TENM3: variants seen among roughly 807,000 people sequenced by gnomAD.
The protein encoded by TENM3 is teneurin-3.
TENM3 carries 63 observed loss-of-function variants against 255.1 expected under a neutral mutation model. The observed-to-expected ratio is 0.25, with a 90% CI of 0.20 to 0.30. TENM3 has a LOEUF of 0.30. Ranked by LOEUF, TENM3 falls within the 10% of genes least tolerant of loss-of-function variation. The pLI is 1.00. For synonymous variants in TENM3, 1,306 were observed against 1,322.3 expected, an observed-to-expected ratio of 0.99 and a Z score of 0.27; for missense variants, 2,929 against 3,461.1, an observed-to-expected ratio of 0.85 and a Z score of 3.86.
At chr4:182,662,178 TAAG>T (rs907715200) in intron 6 of TENM3, among the ~76,000 whole-genome samples, 4 of 152,336 alleles carry the variant, frequency 2.6e-5, no homozygotes, top group Admixed American at 1.3e-4. Flanking sequence ...GGGTATCACA[TAAG>T]AAGGAGAGGA....
chr4:182,264,822 A>T (rs1199507507), intron 1 of TENM3, among the ~76,000 whole-genome samples: 1 of 152,214 alleles, frequency 6.6e-6, no homozygotes, highest in African/African-American at 2.4e-5. Flanking sequence ...TTTAAAGAGC[A>T]CTATGGTTAA....
the TENM3 span, among the ~76,000 whole-genome samples, chr4:182,104,498 T>G: frequency 6.8e-6 from 1 of 146,990 alleles, no homozygotes; most frequent in East Asian, 2.0e-4. Flanking sequence ...TTATCACTGT[T>G]GACTCTTTTT....
intron 24 of TENM3, among the ~76,000 whole-genome samples, chr4:182,787,635 G>A (rs1765774899): frequency 6.6e-6 from 1 of 150,628 alleles, no homozygotes; most frequent in African/African-American, 2.4e-5. Flanking sequence ...TCGGGAGGCT[G>A]AGGCAGGAGA....
chr4:182,359,327 C>T (rs867564159), intron 3 of TENM3, among the ~76,000 whole-genome samples: 2 of 151,984 alleles, frequency 1.3e-5, no homozygotes, highest in African/African-American at 2.4e-5. Flanking sequence ...TGGGAGAATT[C>T]GGCTGTGAAT....
At chr4:182,241,834 G>A (rs1253262733), upstream of TENM3, among the ~76,000 whole-genome samples, 2 of 151,862 alleles carry the variant, frequency 1.3e-5, no homozygotes, top group Admixed American at 1.3e-4. Context: ...TTTCCAGACA[G>A]GTAAAATGCA....
the TENM3 span, among the ~76,000 whole-genome samples, chr4:181,651,597 A>T: frequency 6.6e-6 from 1 of 152,090 alleles, no homozygotes; most frequent in African/African-American, 2.4e-5. Context: ...TCAAAAAAAA[A>T]AAAAAATTCC....
the TENM3 span, among the ~76,000 whole-genome samples, chr4:181,936,833 C>T: frequency 3.3e-5 from 5 of 151,840 alleles, no homozygotes; most frequent in Non-Finnish European, 5.9e-5. Flanking sequence ...AAGGGGAGAG[C>T]AGCAGGCCCC....
chr4:181,649,440 A>T, the TENM3 span, among the ~76,000 whole-genome samples: 3 of 152,236 alleles, frequency 2.0e-5, no homozygotes, highest in Non-Finnish European at 1.5e-5. Context: ...CTATTTCTGT[A>T]TCGGCCTAGA....
chr4:181,813,234 G>A, the TENM3 span, among the ~76,000 whole-genome samples: 1 of 152,104 alleles, frequency 6.6e-6, no homozygotes, highest in South Asian at 2.1e-4. Context: ...TCCCATTCAT[G>A]TTGTGGGGAG....
the TENM3 span, among the ~76,000 whole-genome samples, chr4:181,754,017 T>C: frequency 6.6e-6 from 1 of 152,174 alleles, no homozygotes; most frequent in Non-Finnish European, 1.5e-5. Flanking sequence ...CTGTATGAGA[T>C]TGACAAGTAT....
At chr4:182,443,394 T>C (rs1450017151) in intron 3 of TENM3, among the ~76,000 whole-genome samples, 1 of 152,132 alleles carries the variant, frequency 6.6e-6, no homozygotes, top group Admixed American at 6.5e-5. Context: ...CTGATAAAAC[T>C]AGGCTTCCAT....
At chr4:182,295,614 G>A (rs17073007) in intron 1 of TENM3, among the ~76,000 whole-genome samples, 3,742 of 152,070 alleles carry the variant, frequency 0.025, 85 homozygotes, top group Admixed American at 0.066. Context: ...TCTAACCCTT[G>A]TAGCAAAAAC....
At chr4:182,255,081 A>T (rs901433589) in intron 1 of TENM3, among the ~76,000 whole-genome samples, 2 of 152,202 alleles carry the variant, frequency 1.3e-5, no homozygotes, top group African/African-American at 4.8e-5. Flanking sequence ...CAAAGGAGCC[A>T]GTTTCTACCC....
rs528225825 is a variant in TENM3 at position 182,267,992 on chromosome 4, G to C, written c.-76+24516G>C. 2.6e-5 allele frequency among the ~76,000 whole-genome samples: 4 copies of C among 152,318 alleles called. No individual in the cohort carries two copies. In the South Asian group the frequency reaches 8.3e-4, roughly 32 times the overall value. ...TGATCTCTGACTGTTACTCAGAAGA[G>C]ACAAGAGGGATGGGTAATGTAGAAA... On this transcript the variant is annotated intron_variant, in intron 1 of 27. Transcript: ENST00000511685.
chr4:182,156,842 G>A (rs766975227), intron 1 of TENM3, among the ~76,000 whole-genome samples: 18 of 152,086 alleles, frequency 1.2e-4, no homozygotes, highest in Non-Finnish European at 2.1e-4. Context: ...CTGTGCTCTT[G>A]TGTCCAAGTG....
At chr4:182,700,850 A>G (rs1757797917) in intron 12 of TENM3, among the ~76,000 whole-genome samples, 1 of 152,098 alleles carries the variant, frequency 6.6e-6, no homozygotes, top group South Asian at 2.1e-4. Context: ...TTTTAGGGTA[A>G]TCTACATTGC....
the TENM3 span, among the ~76,000 whole-genome samples, chr4:181,778,352 T>C: frequency 6.6e-6 from 1 of 152,204 alleles, no homozygotes; most frequent in Non-Finnish European, 1.5e-5. Flanking sequence ...AGTATTTTTA[T>C]TGTAAGAAAT....
At chr4:182,674,243 A>T (rs1478096625) in intron 7 of TENM3, among the ~76,000 whole-genome samples, 1 of 152,188 alleles carries the variant, frequency 6.6e-6, no homozygotes, top group African/African-American at 2.4e-5. Context: ...TTTGTGAGAA[A>T]TATTTTTTCT....
intron 1 of TENM3, among the ~76,000 whole-genome samples, chr4:182,319,376 A>G (rs6848785): frequency 0.017 from 2,585 of 152,338 alleles, 76 homozygotes; most frequent in African/African-American, 0.059. Context: ...ACTTCCATCA[A>G]TGAAGCATAT....
Sources: allele counts gnomAD v4.1 joint callset (sites outside exome capture counted in the v4.1 genomes callset), GRCh38; gene constraint gnomAD v4.1.1; transcripts MANE v1.5; gene names NCBI Gene and HGNC (gene_info 2026-07-23, HGNC 2026-07-21).